Variants in NAALADL2 observed in about 807,000 individuals in gnomAD.
NAALADL2 encodes the protein inactive N-acetylated-alpha-linked acidic dipeptidase-like protein 2.
In NAALADL2, 76 loss-of-function variants were observed where a neutral mutation model predicts 87.2. That is an observed-to-expected ratio of 0.87 (90% CI 0.72 to 1.05). The LOEUF (loss-of-function observed/expected upper bound fraction) is 1.05, where lower values mean the gene tolerates loss of function less well. Among genes scored for constraint, NAALADL2 ranks in the 50% least tolerant of loss-of-function variants. The pLI is 0.00. For synonymous variants in NAALADL2, 354 were observed against 331.0 expected (o/e 1.07, Z -0.75); for missense variants, 1,089 against 945.8 (o/e 1.15, Z -1.99).
chr3:174,825,155 G>T (rs930616177), intron 3 of NAALADL2, among the ~76,000 whole-genome samples: 2 of 152,132 alleles, frequency 1.3e-5, no homozygotes, highest in Non-Finnish European at 2.9e-5. Flanking sequence ...ATAATTTTAG[G>T]AATTGGCACA....
At chr3:175,533,704 T>C (rs1279240837) in intron 9 of NAALADL2, among the ~76,000 whole-genome samples, 1 of 152,212 alleles carries the variant, frequency 6.6e-6, no homozygotes, top group Non-Finnish European at 1.5e-5. Flanking sequence ...AGGCTGTGCG[T>C]GCACCTTTCC....
Position 174,717,658 on chromosome 3 carries a change from C to T in NAALADL2, c.-114-19983C>T, listed in dbSNP as rs188731002. ...GGATCTATATTTCATGTATCATTAG[C>T]AACCGCCTCTTCAAAATGATTTCAA... is the stretch of plus-strand genomic sequence containing the variant. On this transcript the variant is annotated intron_variant, in intron 2 of 3. Transcript: ENST00000434257. 5.3e-3 allele frequency among the ~76,000 whole-genome samples: 800 copies of T among 152,218 alleles called. 3 individuals carry two copies. The highest frequency in any genetic ancestry group is 6.7e-3 in the Non-Finnish European group (456 of 68,022).
intron 9 of NAALADL2, among the ~76,000 whole-genome samples, chr3:175,482,799 G>A (rs889295311): frequency 6.6e-6 from 1 of 151,462 alleles, no homozygotes; most frequent in African/African-American, 2.4e-5. Context: ...ATGAGGGAAG[G>A]ATAGTAGAAA....
At chr3:175,162,432 T>C (rs892843029) in intron 2 of NAALADL2, among the ~76,000 whole-genome samples, 1 of 152,210 alleles carries the variant, frequency 6.6e-6, no homozygotes, top group Non-Finnish European at 1.5e-5. Context: ...AAATAATGTT[T>C]AAGAGGCAGT....
At chr3:174,583,093 T>A (rs1370790246) in intron 2 of NAALADL2, among the ~76,000 whole-genome samples, 1 of 152,194 alleles carries the variant, frequency 6.6e-6, no homozygotes, top group Non-Finnish European at 1.5e-5. Flanking sequence ...TGAAACAGAA[T>A]AACTTAATAC....
chr3:174,934,243 T>C (rs577247251), intron 1 of NAALADL2, among the ~76,000 whole-genome samples: 1 of 152,304 alleles, frequency 6.6e-6, no homozygotes, highest in East Asian at 1.9e-4. Flanking sequence ...ACAGAATTTC[T>C]TGGGAATTTG....
chr3:175,046,467 A>C (rs565484360), intron 1 of NAALADL2, among the ~76,000 whole-genome samples: 1 of 152,266 alleles, frequency 6.6e-6, no homozygotes, highest in South Asian at 2.1e-4. Context: ...TCAGACAAAT[A>C]ATATGAATGT....
At chr3:175,566,511 A>G (rs1305273233) in intron 9 of NAALADL2, among the ~76,000 whole-genome samples, 1 of 152,158 alleles carries the variant, frequency 6.6e-6, no homozygotes, top group Non-Finnish European at 1.5e-5. Context: ...TTTTCTTTCT[A>G]AAGACTGTAT....
At chr3:174,536,034 T>C (rs1296010970) in intron 1 of NAALADL2, among the ~76,000 whole-genome samples, 1 of 152,114 alleles carries the variant, frequency 6.6e-6, no homozygotes, top group Non-Finnish European at 1.5e-5. Context: ...CAATTTGCTA[T>C]TCCTTAGGAA....
intron 1 of NAALADL2, among the ~76,000 whole-genome samples, chr3:174,475,984 CAT>C (rs1560005296): frequency 1.3e-5 from 2 of 151,988 alleles, no homozygotes; most frequent in African/African-American, 4.8e-5. Context: ...GAGGGGAAAA[CAT>C]AACACTGTAT....
chr3:174,693,142 T>TC (rs879523425), intron 2 of NAALADL2, among the ~76,000 whole-genome samples: 11 of 152,082 alleles, frequency 7.2e-5, no homozygotes, highest in Admixed American at 3.3e-4. Context: ...GGAGTTAACA[T>TC]CCAATCACTA....
intron 1 of NAALADL2, among the ~76,000 whole-genome samples, chr3:174,963,306 ATACTT>A (rs1173341367): frequency 7.9e-5 from 12 of 152,180 alleles, no homozygotes; most frequent in Non-Finnish European, 1.5e-5. Context: ...ATTACTATAA[ATACTT>A]TAGTAACATA....
rs557251132 is a variant in NAALADL2 at position 175,257,591 on chromosome 3, TG to T, written c.939+1068del. Among the ~76,000 whole-genome samples, 5 of 138,146 alleles carry T rather than the reference TG, an allele frequency of 3.6e-5. No individual in the cohort carries two copies. In the South Asian group the frequency reaches 1.3e-3, roughly 35 times the overall value. The allele number at this position is 138,146 out of a possible 152,430, so 90.6% of individuals were successfully genotyped here. On this transcript the variant is annotated intron_variant, in intron 4 of 13. Transcript: ENST00000454872. The stretch of plus-strand genomic sequence containing the variant: ...ATGTATTCTAAGGTTGGGGTCAGGG[TG>T]GGGGGGCACACAGAGGTGATAAACA...
intron 2 of NAALADL2, among the ~76,000 whole-genome samples, chr3:174,612,085 A>G (rs1719962508): frequency 6.6e-6 from 1 of 152,020 alleles, no homozygotes; most frequent in Admixed American, 6.6e-5. Context: ...TAAGAGTTTT[A>G]TTTCCTTTAG....
chr3:175,196,666 TA>T (rs1443703679), intron 2 of NAALADL2, among the ~76,000 whole-genome samples: 3 of 151,976 alleles, frequency 2.0e-5, no homozygotes, highest in African/African-American at 7.2e-5. Context: ...TGCACCCACG[TA>T]AAAGTTGCAT....
At position 174,819,058 on chromosome 3, in the gene NAALADL2, CTTTTTTTTT is replaced by C. The variant is rs3040106; in HGVS notation, c.-9+81332_-9+81340del. ...GAATTTCTTTATTATACCATTTATTCTTTTTTTTTTTTTTTTTTTTTTTTTTTTGGAGAC... is the reference window on the plus strand; with the variant it reads ...GAATTTCTTTATTATACCATTTATTCTTTTTTTTTTTTTTTTTTTGGAGAC... On this transcript the variant is annotated intron_variant, in intron 3 of 3. Transcript: ENST00000434257. 9.0e-3 allele frequency among the ~76,000 whole-genome samples: 429 copies of C among 47,544 alleles called. 1 individual carries two copies. Among genetic ancestry groups the C allele is most frequent in the African/African-American group, 0.029 (359 of 12,352 alleles). The allele number at this position is 47,544 out of a possible 152,430, so 31.2% of individuals were successfully genotyped here.
intron 9 of NAALADL2, among the ~76,000 whole-genome samples, chr3:175,552,513 A>G (rs149800193): frequency 6.6e-6 from 1 of 152,308 alleles, no homozygotes; most frequent in African/African-American, 2.4e-5. Flanking sequence ...ATACTTTTAC[A>G]TTACCAAGAT....
At chr3:175,420,922 G>A (rs1297699522) in intron 5 of NAALADL2, among the ~76,000 whole-genome samples, 4 of 151,888 alleles carry the variant, frequency 2.6e-5, no homozygotes, top group African/African-American at 9.7e-5. Context: ...ACATAAAAAA[G>A]TGATTCAATT....
At chr3:175,259,572 C>T (rs1446246524) in intron 4 of NAALADL2, among the ~76,000 whole-genome samples, 2 of 152,170 alleles carry the variant, frequency 1.3e-5, no homozygotes, top group East Asian at 3.9e-4. Flanking sequence ...GTTCAACCTA[C>T]CAGTGACAAA....
Sources: gnomAD v4.1 joint callset for allele counts (sites outside exome capture counted in the v4.1 genomes callset) on GRCh38, gnomAD v4.1.1 for gene constraint, MANE v1.5 for transcripts, NCBI Gene and HGNC (gene_info 2026-07-23, HGNC 2026-07-21) for gene names.